IGF2R: variants seen among roughly 807,000 people sequenced by gnomAD.
IGF2R encodes the protein insulin like growth factor 2 receptor.
A neutral mutation model predicts 270.6 loss-of-function variants in IGF2R; 91 were observed. The observed-to-expected ratio is 0.34, with a 90% CI of 0.28 to 0.40. The LOEUF (loss-of-function observed/expected upper bound fraction) is 0.40, where lower values mean the gene tolerates loss of function less well. Ranked by LOEUF, IGF2R falls within the 10% of genes least tolerant of loss-of-function variation. The probability of loss-of-function intolerance (pLI) is 1.00; values close to 1 mark genes in which losing one functional copy is unlikely to be tolerated. For missense variants in IGF2R, 2,805 were observed against 3,188.3 expected (o/e 0.88, Z 2.90); for synonymous variants, 1,316 against 1,258.9 (o/e 1.05, Z -0.96).
intron 4 of IGF2R, among the ~76,000 whole-genome samples, chr6:160,021,997 G>A (rs1285315686): frequency 1.6e-5 from 2 of 123,930 alleles, no homozygotes; most frequent in Non-Finnish European, 3.5e-5. Flanking sequence ...GCCCACCAAC[G>A]GATGACTAGG....
At chr6:160,063,291 C>T in intron 26 of IGF2R, 124 bp from the exon 27 acceptor site, 3 of 733,532 alleles carry the variant, frequency 4.1e-6, no homozygotes, top group South Asian at 3.2e-5. Flanking sequence ...CCCGCCTCAG[C>T]CTCCCAAAGT....
At chr6:160,018,313 C>T (rs979575516) in intron 4 of IGF2R, among the ~76,000 whole-genome samples, 28 of 151,998 alleles carry the variant, frequency 1.8e-4, no homozygotes, top group African/African-American at 6.3e-4. Flanking sequence ...ATGTAACAAT[C>T]TTAAATATGT....
intron 4 of IGF2R, among the ~76,000 whole-genome samples, chr6:160,020,741 T>C (rs1200485606): frequency 1.3e-5 from 2 of 152,154 alleles, no homozygotes; most frequent in African/African-American, 2.4e-5. Flanking sequence ...TGGACAGCCA[T>C]ATGCGGAAGA....
chr6:160,072,645 C>A, intron 32 of IGF2R, 120 bp from the exon 33 acceptor site: 1 of 1,006,766 alleles, frequency 9.9e-7, no homozygotes, highest in Non-Finnish European at 1.5e-6. Context: ...GGACAGGGGT[C>A]GTGGTGAGAA....
At position 160,009,180 on chromosome 6, in the gene IGF2R, G is replaced by A. The variant is rs76127199; in HGVS notation, c.414+46G>A. Reference sequence around the variant, plus strand: ...GATGTATTTCTTTAAAAAAAAAAAGGTCTGCCCCTTGGTGTTCTGGCTGTA... The same window carrying A: ...GATGTATTTCTTTAAAAAAAAAAAGATCTGCCCCTTGGTGTTCTGGCTGTA... On this transcript the variant is annotated intron_variant, in intron 3 of 47. Coordinates refer to ENST00000356956, the MANE Select transcript of IGF2R (RefSeq NM_000876.4). The A allele has an allele frequency of 2.5e-3, 3,858 of 1,541,656 alleles. 88 individuals carry two copies. The African/African-American group carries it at 0.047, about 19-fold the overall frequency.
chr6:160,089,049 A>G, intron 42 of IGF2R, 58 bp from the exon 43 acceptor site: 1 of 1,560,952 alleles, frequency 6.4e-7, no homozygotes, highest in Non-Finnish European at 8.7e-7. Context: ...ATTGTTTTGC[A>G]GTCTTCCCTT....
At chr6:160,049,844 G>A (rs915526274) in intron 18 of IGF2R, among the ~76,000 whole-genome samples, 9 of 152,344 alleles carry the variant, frequency 5.9e-5, no homozygotes, top group African/African-American at 2.2e-4. Flanking sequence ...CGGCCAGTCA[G>A]TACGCTGAGA....
chr6:160,001,417 G>A (rs1252635277), intron 2 of IGF2R, among the ~76,000 whole-genome samples: 1 of 151,804 alleles, frequency 6.6e-6, no homozygotes, highest in Non-Finnish European at 1.5e-5. Context: ...TCTGCACTGT[G>A]GTGTGTTGTA....
chr6:159,995,861 A>G (rs1339266468), intron 2 of IGF2R, among the ~76,000 whole-genome samples: 1 of 143,656 alleles, frequency 7.0e-6, no homozygotes, highest in Non-Finnish European at 1.5e-5. Flanking sequence ...ACTGCTGGAG[A>G]GTTAGTGTGA....
chr6:160,067,775 G>A (rs1778616362), intron 29 of IGF2R, among the ~76,000 whole-genome samples: 2 of 152,150 alleles, frequency 1.3e-5, no homozygotes, highest in Non-Finnish European at 2.9e-5. Flanking sequence ...AGAAAGGTCA[G>A]CAAGCCCATT....
intron 32 of IGF2R, 81 bp from the exon 33 acceptor site, chr6:160,072,684 G>C (rs1778768800): frequency 6.7e-7 from 1 of 1,501,574 alleles, no homozygotes; most frequent in African/African-American, 1.4e-5. Context: ...GACATAATCT[G>C]TGTGTGAGCT....
chr6:160,046,638 G>T lies in IGF2R; in HGVS notation c.2044G>T (p.Ala682Ser). ...GCCAGACTCAGGAGCCTGCCAGGTG[G>T]CAAAAAGGCAAGTAGCTTCTCAGTT... ...CQPDSGACQV[A>S]KSDEKTWNLG... Residue 682 changes from alanine (A) to serine (S), a missense_variant, in exon 15 of 48, where the codon GCA becomes TCA. Coordinates refer to ENST00000356956, the MANE Select transcript of IGF2R (RefSeq NM_000876.4). 6.2e-7 allele frequency: 1 copy of T among 1,608,750 alleles called. No individual in the cohort carries two copies. Among genetic ancestry groups the T allele is most frequent in the South Asian group, 1.1e-5 (1 of 90,018 alleles).
At chr6:160,095,167 C>T (rs1393883996) in intron 44 of IGF2R, 1 of 152,102 alleles carries the variant, frequency 6.6e-6, no homozygotes, top group Non-Finnish European at 1.5e-5. Context: ...GTTGACTATT[C>T]AAAAAGTAGC....
In IGF2R at chr6:160,060,573, T is replaced by A. The variant is rs774545193; in HGVS notation, c.3118T>A (p.Phe1040Ile). Residue 1040 changes from phenylalanine (F) to isoleucine (I), a missense_variant, in exon 23 of 48, where the codon TTT becomes ATT. Phe to Ile is a conservative substitution (Grantham distance 21). This residue lies in a region of IGF2R where 1,851 missense variants were observed against 2,207.2 expected (regional missense o/e 0.84). Transcript: ENST00000356956. ...KGTADAFIVR[F>I]VCNDDVYSGP... is the part of the protein sequence containing the mutation. Reference sequence around the variant, plus strand: ...TACCGCTGATGCTTTTATCGTCCGCTTTGTTTGCAATGATGATGTTTACTC... The same window carrying A: ...TACCGCTGATGCTTTTATCGTCCGCATTGTTTGCAATGATGATGTTTACTC... 6.2e-7 allele frequency: 1 copy of A among 1,614,296 alleles called. No individual in the cohort carries two copies. The highest frequency in any genetic ancestry group is 1.7e-5 in the Admixed American group (1 of 60,038).
chr6:160,026,320 A>G (rs1777560114), intron 5 of IGF2R, among the ~76,000 whole-genome samples: 1 of 152,176 alleles, frequency 6.6e-6, no homozygotes, highest in East Asian at 1.9e-4. Context: ...CCTCTTCACT[A>G]GCTGGTGCAA....
chr6:160,006,242 A>T (rs1358824455), intron 2 of IGF2R: 1 of 142,286 alleles, frequency 7.0e-6, no homozygotes, highest in Non-Finnish European at 1.5e-5. Flanking sequence ...GCCTCCCTGT[A>T]CCCTGCATAC....
At chr6:160,052,627 A>G (rs1479132211) in intron 19 of IGF2R, among the ~76,000 whole-genome samples, 1 of 152,208 alleles carries the variant, frequency 6.6e-6, no homozygotes, top group Non-Finnish European at 1.5e-5. Flanking sequence ...CATTGCCAAG[A>G]CAATCCTAAG....
intron 44 of IGF2R, chr6:160,093,451 A>G: frequency 2.4e-6 from 1 of 419,768 alleles, no homozygotes. Flanking sequence ...TTACTGCACG[A>G]TGAAGAGTTT....
At chr6:160,078,484 G>A in intron 37 of IGF2R, 122 bp downstream of exon 37, 1 of 911,622 alleles carries the variant, frequency 1.1e-6, no homozygotes, top group Admixed American at 2.2e-5. Flanking sequence ...GTGGCCACTG[G>A]GCAGCATCTT....
Sources: allele counts gnomAD v4.1 joint callset (sites outside exome capture counted in the v4.1 genomes callset), GRCh38; gene constraint gnomAD v4.1.1; regional missense constraint gnomAD v4.1.1; transcripts MANE v1.5; gene names NCBI Gene and HGNC (gene_info 2026-07-23, HGNC 2026-07-21).